Variants in TRPM5 observed in about 807,000 individuals in gnomAD.
TRPM5 encodes the protein transient receptor potential cation channel subfamily M member 5.
TRPM5 carries 121 observed loss-of-function variants against 124.9 expected under a neutral mutation model. The observed-to-expected ratio is 0.97, with a 90% confidence interval of 0.84 to 1.13. The LOEUF (loss-of-function observed/expected upper bound fraction) is 1.13, where lower values mean the gene tolerates loss of function less well. TRPM5 is among the 50% of genes most tolerant of loss of function. TRPM5 has a pLI of 0.00. For synonymous variants in TRPM5, 781 were observed against 700.5 expected, an observed-to-expected ratio of 1.11 and a Z score of -1.81; for missense variants, 1,643 against 1,589.1, an observed-to-expected ratio of 1.03 and a Z score of -0.58.
chr11:2,414,880 C>T (rs756497343), intron 10 of TRPM5, 27 bp downstream of exon 15: 54 of 1,594,498 alleles, frequency 3.4e-5, no homozygotes, highest in East Asian at 4.6e-5. Context: ...CCCCTGCCCC[C>T]GCGCTGGGCC....
chr11:2,414,857 G>T lies in TRPM5; in HGVS notation c.1621-19C>A, dbSNP rs987397013. ...CCTGGCCCTACGAGACCTGGTCTCA[G>T]GAGGCCGCCCCTCCCCTGCCCCCGC... On this transcript the variant is annotated intron_variant, in intron 10 of 23. Transcript: ENST00000155858. 23 of 1,589,786 alleles carry T rather than the reference G, an allele frequency of 1.4e-5. No homozygotes were observed. The highest frequency in any genetic ancestry group is 1.9e-5 in the Non-Finnish European group (22 of 1,169,198).
the TRPM5 span, among the ~76,000 whole-genome samples, chr11:2,429,081 G>A: frequency 2.0e-5 from 3 of 150,016 alleles, no homozygotes; most frequent in South Asian, 6.4e-4. This position sits in a 1 kb window ranked among gnomAD's most constrained non-coding sequence, Gnocchi z 8.4. Context: ...TGGTGGTGGT[G>A]ATGATAGTGG....
intron 14 of TRPM5, 47 bp from the exon 20 acceptor site, chr11:2,413,059 G>A (rs756995368): frequency 2.6e-6 from 4 of 1,557,076 alleles, no homozygotes; most frequent in African/African-American, 2.7e-5. Context: ...GCCCAGCCGG[G>A]TGCCCCACCA....
At chr11:2,407,904 C>T in exon 19 of TRPM5, 1 of 1,613,516 alleles carries the variant, frequency 6.2e-7, no homozygotes, top group Non-Finnish European at 8.5e-7. Flanking sequence ...GAGCAGTTCA[C>T]ACGGGCTTCT....
chr11:2,412,782 A>G (rs775927484), exon 15 of TRPM5: 1 of 1,606,304 alleles, frequency 6.2e-7, no homozygotes, highest in Non-Finnish European at 8.5e-7. Flanking sequence ...CACCAGCGTA[A>G]AGACCCAGAA....
intron 18 of TRPM5, among the ~76,000 whole-genome samples, chr11:2,410,207 C>T (rs1238911064): frequency 6.6e-6 from 1 of 152,192 alleles, no homozygotes; most frequent in Non-Finnish European, 1.5e-5. Flanking sequence ...AGAAAACAGC[C>T]CAAGGAAATG....
intron 1 of TRPM5, 105 bp from the exon 7 acceptor site, chr11:2,422,426 A>C: frequency 1.0e-5 from 5 of 499,812 alleles, no homozygotes; most frequent in Non-Finnish European, 1.2e-5. Flanking sequence ...GGTGCTGAGC[A>C]TGGGGGGACA....
chr11:2,426,783 T>TGCCAGAAAGGTCCCTGCGTGCA (rs1845843941), upstream of TRPM5, among the ~76,000 whole-genome samples: 1 of 152,136 alleles, frequency 6.6e-6, no homozygotes, highest in Admixed American at 6.5e-5. Context: ...AAGGGGAGGG[T>TGCCAGAAAGGTCCCTGCGTGCA]GCCAGAAAGG....
chr11:2,406,889 G>T, intron 20 of TRPM5, 96 bp from the exon 26 acceptor site: 1 of 1,504,638 alleles, frequency 6.6e-7, no homozygotes, highest in South Asian at 1.3e-5. Flanking sequence ...CCAGGCAGAA[G>T]GAGTGAGTGG....
chr11:2,420,384 G>C, exon 4 of TRPM5: 1 of 1,611,512 alleles, frequency 6.2e-7, no homozygotes, highest in Non-Finnish European at 8.5e-7. Flanking sequence ...TCATCCTCAG[G>C]GTAGTGGACA....
intron 2 of TRPM5, 144 bp downstream of exon 7, chr11:2,421,997 T>G: frequency 4.4e-6 from 3 of 685,626 alleles, no homozygotes; most frequent in Admixed American, 3.3e-5. Flanking sequence ...GGTGGGAGCA[T>G]TGCCTGTGCC....
the TRPM5 span, among the ~76,000 whole-genome samples, chr11:2,443,137 T>G: frequency 1.3e-5 from 2 of 152,224 alleles, no homozygotes; most frequent in African/African-American, 4.8e-5. The surrounding 1 kb of genome is among the most constrained non-coding windows in gnomAD (Gnocchi z 5.0). Flanking sequence ...ACCTGTACAT[T>G]CTTGTAGAAT....
chr11:2,432,985 C>T, the TRPM5 span, among the ~76,000 whole-genome samples: 1 of 152,228 alleles, frequency 6.6e-6, no homozygotes, highest in Non-Finnish European at 1.5e-5. Flanking sequence ...CCTGAGTGCC[C>T]AGCAGTGGAG....
intron 18 of TRPM5, among the ~76,000 whole-genome samples, chr11:2,410,236 G>A (rs778559796): frequency 1.1e-4 from 16 of 152,302 alleles, no homozygotes; most frequent in South Asian, 2.1e-4. Flanking sequence ...TGGGAGAGGC[G>A]GTTTCCATCA....
At chr11:2,411,883 C>T (rs1218171909) in intron 16 of TRPM5, 116 bp from the exon 22 acceptor site, 7 of 1,277,450 alleles carry the variant, frequency 5.5e-6, no homozygotes, top group Admixed American at 2.4e-5. Flanking sequence ...ACTCCTTGGG[C>T]CCTGAGTGGC....
At chr11:2,418,026 C>T in intron 6 of TRPM5, 141 bp downstream of exon 11, 2 of 975,378 alleles carry the variant, frequency 2.1e-6, no homozygotes, top group Non-Finnish European at 3.0e-6. Flanking sequence ...TCCCTGTGGG[C>T]CTGAAGCGAG....
the TRPM5 span, among the ~76,000 whole-genome samples, chr11:2,443,687 C>T: frequency 2.0e-5 from 3 of 152,132 alleles, no homozygotes; most frequent in Non-Finnish European, 2.9e-5. The surrounding 1 kb of genome is among the most constrained non-coding windows in gnomAD (Gnocchi z 5.0). Flanking sequence ...TGCTCAGGGA[C>T]GACCTGGAAG....
intron 4 of TRPM5, among the ~76,000 whole-genome samples, chr11:2,419,641 C>A (rs1327756536): frequency 4.2e-5 from 6 of 142,936 alleles, no homozygotes; most frequent in African/African-American, 1.3e-4. Context: ...AAAAAAAAAA[C>A]AGAGGGCTCA....
chr11:2,407,451 G>T, intron 19 of TRPM5, 151 bp from the exon 25 acceptor site: 2 of 790,538 alleles, frequency 2.5e-6, no homozygotes, highest in South Asian at 1.8e-5. Flanking sequence ...GTCACGAGGG[G>T]TCCACTCTCC....
Sources: gnomAD v4.1 joint callset for allele counts (sites outside exome capture counted in the v4.1 genomes callset) on GRCh38, gnomAD v4.1.1 for gene constraint, Gnocchi (gnomAD v3.1) non-coding constraint, MANE v1.5 for transcripts, NCBI Gene and HGNC (gene_info 2026-07-23, HGNC 2026-07-21) for gene names.